The following ERRFI1 variants were observed in gnomAD, a reference collection of about 807,000 sequenced individuals.
ERRFI1 encodes the protein mitogen-inducible gene 6 protein.
Under a neutral mutation model 14.6 loss-of-function variants are expected in ERRFI1, and 12 were observed. The observed-to-expected ratio is 0.82, with a 90% CI of 0.53 to 1.33. The LOEUF is 1.33. ERRFI1 is among the 40% of genes most tolerant of loss of function. The pLI is 0.00. For missense variants in ERRFI1, 482 were observed against 572.1 expected (o/e 0.84, Z 1.61); for synonymous variants, 202 against 209.9 (o/e 0.96, Z 0.32).
Position 8,022,374 on chromosome 1 carries a change from G to C in ERRFI1, c.-74+3784C>G, listed in dbSNP as rs528676331. On this transcript the variant is annotated intron_variant, in intron 1 of 3. Transcript: ENST00000377482. ...TAATCACACTGTATTGTAAAATCCG[G>C]AATTTAACAATAGCATACCTTATAT... Among the ~76,000 whole-genome samples, 8 of 152,234 alleles carry C rather than the reference G, an allele frequency of 5.3e-5. No homozygotes were observed. In the South Asian group the frequency reaches 1.7e-3, roughly 32 times the overall value.
rs886760787 is a variant in ERRFI1, at chr1:8,015,318, T to A, written c.192A>T (p.Leu64=). The change falls in exon 3 of 4, where the codon CTA becomes CTT. Residue 64 remains leucine, a synonymous_variant. Coordinates refer to ENST00000377482, the MANE Select transcript of ERRFI1 (RefSeq NM_018948.4). ...TTTCAGAATACATACCAAGTGGTAT[T>A]AGGCGCTCCTGAGCAGAAGAGTTCA... is the stretch of plus-strand genomic sequence containing the variant. The part of the protein sequence containing the change: ...YSLNSSAQER[L]IPLGHASKSA... 1.9e-6 allele frequency: 3 copies of A among 1,613,970 alleles called. No individual in the cohort carries two copies. Among genetic ancestry groups the A allele is most frequent in the African/African-American group, 1.3e-5 (1 of 74,934 alleles).
intron 1 of ERRFI1, among the ~76,000 whole-genome samples, chr1:8,021,814 G>A (rs1207542634): frequency 6.6e-6 from 1 of 152,176 alleles, no homozygotes; most frequent in Non-Finnish European, 1.5e-5. Context: ...ACTTGCTCAA[G>A]GTCAAAACTG....
rs1195048135 is a variant in ERRFI1, at chr1:8,012,213, A to G, written c.*997T>C. ...CAATCCCCAGGAAATACTGAATAGGAACCAGCAACACAAGGCCAGCTTGTG... is the reference window on the plus strand; with the variant it reads ...CAATCCCCAGGAAATACTGAATAGGGACCAGCAACACAAGGCCAGCTTGTG... On this transcript the variant is annotated 3_prime_UTR_variant, in exon 4 of 4. Coordinates refer to ENST00000377482, the MANE Select transcript of ERRFI1 (RefSeq NM_018948.4). 8.6e-6 allele frequency: 2 copies of G among 231,576 alleles called. No individual in the cohort carries two copies. The highest frequency in any genetic ancestry group is 1.7e-5 in the Non-Finnish European group (2 of 116,806). 14.3% of individuals were successfully genotyped at this position (231,576 alleles called of 1,614,324 possible).
At position 8,012,516 on chromosome 1, in the gene ERRFI1, TGA is replaced by T. The variant is rs1451822789; in HGVS notation, c.*692_*693del. 8 of 226,520 alleles carry T rather than the reference TGA, an allele frequency of 3.5e-5. No individual in the cohort carries two copies. The highest frequency in any genetic ancestry group is 7.0e-5 in the Non-Finnish European group (8 of 113,522). 14.0% of individuals were successfully genotyped at this position (226,520 alleles called of 1,614,324 possible). A position where few individuals can be genotyped will look rare whatever the true frequency, so the allele number is the denominator to read the frequency against. On this transcript the variant is annotated 3_prime_UTR_variant, in exon 4 of 4. Coordinates refer to ENST00000377482, the MANE Select transcript of ERRFI1 (RefSeq NM_018948.4). ...TTATCGTTTTATTTTTCAAGATGTGTGACAGGTACAGGTGACAATATGGTTGC... is the reference window on the plus strand; with the variant it reads ...TTATCGTTTTATTTTTCAAGATGTGTCAGGTACAGGTGACAATATGGTTGC...
chr1:8,013,359 C>T lies in ERRFI1; in HGVS notation c.1240G>A (p.Ala414Thr), dbSNP rs1393864904. Residue 414 changes from alanine to threonine, a missense_variant, in exon 4 of 4, where the codon GCA becomes ACA. Coordinates refer to ENST00000377482, the MANE Select transcript of ERRFI1 (RefSeq NM_018948.4). This position sits in a 1 kb window ranked among gnomAD's most constrained non-coding sequence, Gnocchi z 4.3. ...TGGGCGCCTCCATTTGTTTCTTCTG[C>T]TTCCCTAAAAAATTTTTCATATTTG... ...LDKYEKFFRE[A>T]EETNGGAQIQ... 6.2e-7 allele frequency: 1 copy of T among 1,614,228 alleles called. No individual in the cohort carries two copies. Among genetic ancestry groups the T allele is most frequent in the South Asian group, 1.1e-5 (1 of 91,086 alleles).
chr1:8,018,519 G>A (rs183907852), intron 1 of ERRFI1, among the ~76,000 whole-genome samples: 145 of 152,154 alleles, frequency 9.5e-4, no homozygotes, highest in Non-Finnish European at 7.8e-4. Context: ...TTGCAAAAAT[G>A]TACCTATGTG....
chr1:8,020,552 ATT>A (rs36053481), intron 1 of ERRFI1, among the ~76,000 whole-genome samples: 39 of 134,164 alleles, frequency 2.9e-4, no homozygotes, highest in African/African-American at 9.2e-4. Context: ...AAAAACACCA[ATT>A]TTTTTTTTTT....
chr1:8,020,386 C>T (rs895947288), intron 1 of ERRFI1, among the ~76,000 whole-genome samples: 2 of 152,108 alleles, frequency 1.3e-5, no homozygotes, highest in Admixed American at 6.5e-5. Flanking sequence ...AAGGTAACTA[C>T]ATTTAAAGGC....
chr1:8,014,426 A>T, intron 3 of ERRFI1, 30 bp from the exon 4 acceptor site: 1 of 1,526,144 alleles, frequency 6.6e-7, no homozygotes, highest in Non-Finnish European at 8.8e-7. Context: ...TTAATAAAAG[A>T]TCAACAATCC....
At chr1:8,018,584 T>C (rs916679897) in intron 1 of ERRFI1, among the ~76,000 whole-genome samples, 4 of 152,150 alleles carry the variant, frequency 2.6e-5, no homozygotes, top group Non-Finnish European at 4.4e-5. Flanking sequence ...AATCCAAGAA[T>C]AGGAAAGCGA....
In ERRFI1 at chr1:8,013,969, T is replaced by C. The variant is rs377209152; in HGVS notation, c.630A>G (p.Ala210=). ...SFRGCGQINY[A]YFDTPAVSAA... ...CAGAAACAGCTGGGGTATCAAAATA[T>C]GCATAGTTGATTTGTCCACACCCAC... The change falls in exon 4 of 4, where the codon GCA becomes GCG. Residue 210 remains alanine, a synonymous_variant. Transcript: ENST00000377482. This position sits in a 1 kb window ranked among gnomAD's most constrained non-coding sequence, Gnocchi z 4.3. 6 of 1,614,192 alleles carry C rather than the reference T, an allele frequency of 3.7e-6. No individual in the cohort carries two copies. The East Asian group carries it at 1.1e-4, about 30-fold the overall frequency.
At position 8,014,127 on chromosome 1, in the gene ERRFI1, T is replaced by C. The variant is rs34974993; in HGVS notation, c.472A>G (p.Ile158Val). Residue 158 changes from isoleucine (I) to valine (V), a missense_variant, in exon 4 of 4, where the codon ATC becomes GTC. Transcript: ENST00000377482. ...TCATCCAGAGAGAGGGCTTCAGAGA[T>C]TGGCAACGGTGGAAGAGGCCTAGAA... is the stretch of plus-strand genomic sequence containing the variant. ...RGSRPLPPLPISEALSLDDTD... is the reference protein window; with the variant it reads ...RGSRPLPPLPVSEALSLDDTD... 25 of 1,614,014 alleles carry C rather than the reference T, an allele frequency of 1.5e-5. No individual in the cohort carries two copies. In the African/African-American group the frequency reaches 2.0e-4, roughly 13 times the overall value.
intron 1 of ERRFI1, among the ~76,000 whole-genome samples, chr1:8,021,860 C>T (rs1047847806): frequency 6.6e-6 from 1 of 152,170 alleles, no homozygotes; most frequent in Non-Finnish European, 1.5e-5. Flanking sequence ...CTAGACAGCC[C>T]GGCCTCAGTG....
intron 1 of ERRFI1, among the ~76,000 whole-genome samples, chr1:8,025,249 A>G (rs1022011747): frequency 2.0e-5 from 3 of 152,222 alleles, no homozygotes; most frequent in African/African-American, 7.2e-5. Flanking sequence ...TGAAATCCTA[A>G]TAAAGACTTA....
rs1641128952 is a variant in ERRFI1 at position 8,013,816 on chromosome 1, G to A, written c.783C>T (p.Ala261=). Residue 261 remains alanine, a synonymous_variant, in exon 4 of 4, where the codon GCC becomes GCT. Transcript: ENST00000377482. This position sits in a 1 kb window ranked among gnomAD's most constrained non-coding sequence, Gnocchi z 4.3. ...GTATACAACAGTTGGATATCCTTAT[G>A]GCTGGCTTGTTAAAGGAGCCAGCTG... The part of the protein sequence containing the change: ...SGPAGSFNKP[A]IRISNCCIHR... The A allele has an allele frequency of 6.2e-7, 1 of 1,614,092 alleles. No individual in the cohort carries two copies. The highest frequency in any genetic ancestry group is 8.5e-7 in the Non-Finnish European group (1 of 1,180,016).
At chr1:8,019,251 C>T (rs1242381057) in intron 1 of ERRFI1, among the ~76,000 whole-genome samples, 1 of 152,198 alleles carries the variant, frequency 6.6e-6, no homozygotes. Context: ...CCTTCAAAGG[C>T]TCCTAAATAA....
rs1641106915 is a variant in ERRFI1, at chr1:8,012,940, G to A, written c.*270C>T. The A allele has an allele frequency of 2.2e-6, 1 of 455,326 alleles. No homozygotes were observed. 28.2% of individuals were successfully genotyped at this position (455,326 alleles called of 1,614,324 possible). A position where few individuals can be genotyped will look rare whatever the true frequency, so the allele number is the denominator to read the frequency against. ...ACAAGTTTATATATAGGTATGTAAT[G>A]TATGCATATATAAAAAGCTTCCCCA... On this transcript the variant is annotated 3_prime_UTR_variant, in exon 4 of 4. Coordinates refer to ENST00000377482, the MANE Select transcript of ERRFI1 (RefSeq NM_018948.4).
intron 1 of ERRFI1, among the ~76,000 whole-genome samples, chr1:8,025,450 A>C (rs1010543530): frequency 6.6e-6 from 1 of 152,196 alleles, no homozygotes; most frequent in Non-Finnish European, 1.5e-5. Flanking sequence ...CTAGGAGAGA[A>C]GGAAGAGTTC....
intron 1 of ERRFI1, among the ~76,000 whole-genome samples, chr1:8,022,169 C>T (rs1641282374): frequency 6.6e-6 from 1 of 152,178 alleles, no homozygotes; most frequent in Admixed American, 6.5e-5. Context: ...CTTCAAACAA[C>T]TATTTTGAAG....
Sources: allele counts gnomAD v4.1 joint callset (sites outside exome capture counted in the v4.1 genomes callset), GRCh38; gene constraint gnomAD v4.1.1; non-coding constraint Gnocchi (gnomAD v3.1); transcripts MANE v1.5; gene names NCBI Gene and HGNC (gene_info 2026-07-23, HGNC 2026-07-21).